Variants in PLCB1 observed in about 807,000 individuals in gnomAD.
The protein encoded by PLCB1 is phospholipase C beta 1.
PLCB1 carries 46 observed loss-of-function variants against 161.8 expected under a neutral mutation model. The ratio of observed to expected loss-of-function variants is 0.28; its 90% CI spans 0.22 to 0.36. PLCB1 has a LOEUF of 0.36. PLCB1 is among the 10% of genes least tolerant of loss of function. PLCB1 has a pLI of 1.00. For synonymous variants in PLCB1, 517 were observed against 503.7 expected (o/e 1.03, Z -0.35); for missense variants, 1,016 against 1,472.5 (o/e 0.69, Z 5.07).
intron 11 of PLCB1, among the ~76,000 whole-genome samples, chr20:8,703,720 T>C (rs1052511504): frequency 6.6e-6 from 1 of 152,066 alleles, no homozygotes; most frequent in African/African-American, 2.4e-5. Flanking sequence ...GGAACCCCAG[T>C]GGCCCAGCTG....
Position 8,733,815 on chromosome 20 carries a change from AT to A in PLCB1, c.2043+424del, listed in dbSNP as rs1568577505. On this transcript the variant is annotated intron_variant, in intron 19 of 31. Coordinates refer to ENST00000338037, the MANE Select transcript of PLCB1 (RefSeq NM_015192.4). Reference sequence around the variant, plus strand: ...AATAATAATAATAATAATAATAATAATAATAATAATAAAAGTTTTGGTAGGG... The same window carrying A: ...AATAATAATAATAATAATAATAATAAAATAATAATAAAAGTTTTGGTAGGG... Among the ~76,000 whole-genome samples the A allele has an allele frequency of 2.3e-4, 27 of 116,422 alleles. 1 individual carries two copies. The highest frequency in any genetic ancestry group is 5.0e-4 in the Non-Finnish European group (25 of 50,012). 76.4% of individuals were successfully genotyped at this position (116,422 alleles called of 152,430 possible). A position where few individuals can be genotyped will look rare whatever the true frequency, so the allele number is the denominator to read the frequency against.
At chr20:8,365,140 G>A (rs1265459272) in intron 2 of PLCB1, among the ~76,000 whole-genome samples, 4 of 152,124 alleles carry the variant, frequency 2.6e-5, no homozygotes, top group Non-Finnish European at 4.4e-5. Context: ...AGCAGCAGCC[G>A]AACGAGGGAG....
chr20:8,267,887 T>C (rs191574108), intron 2 of PLCB1, among the ~76,000 whole-genome samples: 1 of 152,042 alleles, frequency 6.6e-6, no homozygotes, highest in Admixed American at 6.6e-5. Context: ...CAAAGTTACA[T>C]ATGAAGACTT....
At chr20:8,838,020 T>A (rs6140739) in intron 31 of PLCB1, among the ~76,000 whole-genome samples, 48,591 of 151,548 alleles carry the variant, frequency 0.32, 8,776 homozygotes, top group East Asian at 0.63. Flanking sequence ...AGAGATAGGC[T>A]GGTGACTAAA....
intron 14 of PLCB1, among the ~76,000 whole-genome samples, chr20:8,719,011 G>C (rs1979483910): frequency 6.6e-6 from 1 of 152,160 alleles, no homozygotes; most frequent in Non-Finnish European, 1.5e-5. Context: ...AATTAAGGGT[G>C]AAATAGATTG....
chr20:8,370,673 GA>G, intron 2 of PLCB1, among the ~76,000 whole-genome samples: 1 of 151,922 alleles, frequency 6.6e-6, no homozygotes. Flanking sequence ...GAGCCCCTAG[GA>G]AAAAAACTGT....
At chr20:8,880,856 CTTTCTTTTTTT>C (rs1987947702) in intron 31 of PLCB1, 1 of 107,586 alleles carries the variant, frequency 9.3e-6, no homozygotes, top group South Asian at 3.7e-4. Flanking sequence ...TTCTTTCTTT[CTTTCTTTTTTT>C]TTTTTTTTTT....
At chr20:8,456,928 T>C (rs1231210791) in intron 3 of PLCB1, among the ~76,000 whole-genome samples, 3 of 152,322 alleles carry the variant, frequency 2.0e-5, no homozygotes, top group Admixed American at 2.0e-4. Flanking sequence ...CAAGGCTCCA[T>C]GTCTGAACAT....
At chr20:8,165,531 T>C (rs2051666326) in intron 2 of PLCB1, among the ~76,000 whole-genome samples, 1 of 152,234 alleles carries the variant, frequency 6.6e-6, no homozygotes, top group African/African-American at 2.4e-5. Context: ...GCACTATTAA[T>C]GCTATGTTGA....
chr20:8,871,414 T>G (rs6077449), intron 31 of PLCB1, among the ~76,000 whole-genome samples: 49,419 of 152,106 alleles, frequency 0.32, 8,132 homozygotes, highest in South Asian at 0.47. Context: ...ATTGGCAGAT[T>G]CTACAAGGCT....
intron 2 of PLCB1, among the ~76,000 whole-genome samples, chr20:8,265,923 C>G (rs754785412): frequency 6.6e-6 from 1 of 152,134 alleles, no homozygotes; most frequent in African/African-American, 2.4e-5. Flanking sequence ...AGGTGGAGGA[C>G]TAATTTTTAT....
chr20:8,782,756 G>C (rs750536435), intron 27 of PLCB1, among the ~76,000 whole-genome samples: 2 of 152,118 alleles, frequency 1.3e-5, no homozygotes, highest in Admixed American at 1.3e-4. Flanking sequence ...TGAAAATCCA[G>C]AGTAAATGCT....
chr20:8,696,835 A>G (rs889449589), intron 10 of PLCB1, among the ~76,000 whole-genome samples: 84 of 152,112 alleles, frequency 5.5e-4, no homozygotes, highest in African/African-American at 1.9e-3. Flanking sequence ...CCGGGTTCAC[A>G]CCATTCTCCT....
intron 3 of PLCB1, among the ~76,000 whole-genome samples, chr20:8,476,877 G>A (rs933538133): frequency 1.3e-5 from 2 of 152,110 alleles, no homozygotes; most frequent in Admixed American, 6.6e-5. Flanking sequence ...ATGATGGAAA[G>A]GAGGCTCCCA....
intron 31 of PLCB1, chr20:8,801,964 A>T (rs1025292156): frequency 2.5e-6 from 2 of 811,150 alleles, no homozygotes; most frequent in African/African-American, 3.4e-5. Context: ...GCACTCCAAG[A>T]GACGTCCCAG....
intron 2 of PLCB1, among the ~76,000 whole-genome samples, chr20:8,255,706 T>A (rs1324861760): frequency 6.6e-6 from 1 of 151,994 alleles, no homozygotes; most frequent in African/African-American, 2.4e-5. Context: ...TAAGCTTATA[T>A]AATTATACTT....
intron 3 of PLCB1, among the ~76,000 whole-genome samples, chr20:8,426,081 G>A (rs947289617): frequency 6.6e-6 from 1 of 152,152 alleles, no homozygotes; most frequent in Non-Finnish European, 1.5e-5. Flanking sequence ...AGGAACATGG[G>A]AAGCACTGCT....
intron 2 of PLCB1, among the ~76,000 whole-genome samples, chr20:8,309,579 C>T (rs1356559492): frequency 6.6e-6 from 1 of 152,146 alleles, no homozygotes; most frequent in African/African-American, 2.4e-5. Flanking sequence ...ATAGAAGTCC[C>T]ATGATGACCT....
intron 2 of PLCB1, among the ~76,000 whole-genome samples, chr20:8,208,023 G>A (rs1978623114): frequency 6.6e-6 from 1 of 152,144 alleles, no homozygotes; most frequent in Admixed American, 6.6e-5. Flanking sequence ...AGGTTGAGGA[G>A]GGAATTGGCC....
Sources: gnomAD v4.1 joint callset for allele counts (sites outside exome capture counted in the v4.1 genomes callset) on GRCh38, gnomAD v4.1.1 for gene constraint, MANE v1.5 for transcripts, NCBI Gene and HGNC (gene_info 2026-07-23, HGNC 2026-07-21) for gene names.